ASXL1: variants seen among roughly 807,000 people sequenced by gnomAD.
The protein encoded by ASXL1 is polycomb group protein ASXL1.
Under a neutral mutation model 89.1 loss-of-function variants are expected in ASXL1, and 65 were observed. That is an observed-to-expected ratio of 0.73 (90% CI 0.60 to 0.90). The LOEUF (loss-of-function observed/expected upper bound fraction) is 0.90, where lower values mean the gene tolerates loss of function less well. Among genes scored for constraint, ASXL1 ranks in the 40% least tolerant of loss-of-function variants. The pLI, the probability that ASXL1 is intolerant of heterozygous loss-of-function variation, is 0.00. For synonymous variants in ASXL1, 739 were observed against 746.9 expected (o/e 0.99, Z 0.17); for missense variants, 1,786 against 1,942.9 (o/e 0.92, Z 1.52).
intron 4 of ASXL1, among the ~76,000 whole-genome samples, chr20:32,384,668 A>T (rs1431642869): frequency 6.6e-6 from 1 of 152,168 alleles, no homozygotes; most frequent in African/African-American, 2.4e-5. Flanking sequence ...GGCCCTGGTC[A>T]GAGTCTGGTT....
intron 2 of ASXL1, 21 bp from the exon 3 acceptor site, chr20:32,367,706 G>A: frequency 1.3e-6 from 1 of 780,854 alleles, no homozygotes; most frequent in Non-Finnish European, 2.4e-6. Context: ...CTGCACTGCT[G>A]TTGGACCACT....
chr20:32,406,884 C>T (rs1384537766), intron 4 of ASXL1, among the ~76,000 whole-genome samples: 1 of 152,210 alleles, frequency 6.6e-6, no homozygotes, highest in East Asian at 1.9e-4. Context: ...CACTCAGGCT[C>T]TGACTCTCTA....
At chr20:32,377,817 A>C (rs961644177) in intron 4 of ASXL1, among the ~76,000 whole-genome samples, 7 of 151,282 alleles carry the variant, frequency 4.6e-5, no homozygotes, top group Admixed American at 4.0e-4. Flanking sequence ...CATGCCCGGC[A>C]AATTTTTGTA....
chr20:32,386,791 T>C (rs1047756964), intron 4 of ASXL1, among the ~76,000 whole-genome samples: 36 of 146,774 alleles, frequency 2.5e-4, no homozygotes, highest in African/African-American at 8.3e-4. Flanking sequence ...CTCTCTCTCT[T>C]TTTTTTTTTT....
chr20:32,366,540 G>C, intron 2 of ASXL1, 74 bp downstream of exon 2: 2 of 1,610,242 alleles, frequency 1.2e-6, no homozygotes, highest in Non-Finnish European at 1.7e-6. Context: ...AGTGATATGA[G>C]TAAGTACACC....
chr20:32,382,135 A>T (rs1302890445), intron 4 of ASXL1, among the ~76,000 whole-genome samples: 1 of 150,528 alleles, frequency 6.6e-6, no homozygotes, highest in African/African-American at 2.4e-5. Flanking sequence ...TTTATTTTTT[A>T]TTTTTTATTT....
chr20:32,400,661 C>G (rs999081270), intron 4 of ASXL1, among the ~76,000 whole-genome samples: 10 of 152,190 alleles, frequency 6.6e-5, no homozygotes, highest in Non-Finnish European at 1.3e-4. Flanking sequence ...CTCTCTAGAT[C>G]TCCTCAGCCC....
rs952135039 is a variant in ASXL1 at position 32,359,310 on chromosome 20, G to T, written c.57+478G>T. 3 of 702,466 alleles carry T rather than the reference G, an allele frequency of 4.3e-6. No homozygotes were observed. Among genetic ancestry groups the T allele is most frequent in the Non-Finnish European group, 7.8e-6 (3 of 384,994 alleles). The allele number at this position is 702,466 out of a possible 1,614,324, so 43.5% of individuals were successfully genotyped here. A position where few individuals can be genotyped will look rare whatever the true frequency, so the allele number is the denominator to read the frequency against. On this transcript the variant is annotated intron_variant, in intron 1 of 12. Coordinates refer to ENST00000375687, the MANE Select transcript of ASXL1 (RefSeq NM_015338.6). ...CCACATTCAAGGACGCCAATGGCAT[G>T]TTGAGCTTTCCCAATCTAAACCAGG... is the stretch of plus-strand genomic sequence containing the variant.
At chr20:32,415,898 CAT>C (rs1181228396) in intron 4 of ASXL1, among the ~76,000 whole-genome samples, 1 of 151,792 alleles carries the variant, frequency 6.6e-6, no homozygotes, top group Non-Finnish European at 1.5e-5. Context: ...CCCCAAATAC[CAT>C]TAAACAAAAG....
intron 1 of ASXL1, chr20:32,359,470 C>T (rs762311339): frequency 1.9e-4 from 130 of 686,474 alleles, no homozygotes; most frequent in Middle Eastern, 1.7e-3. Flanking sequence ...ACCTGCTGAG[C>T]CTCAGGGTCT....
intron 4 of ASXL1, among the ~76,000 whole-genome samples, chr20:32,418,818 T>C: frequency 6.1e-5 from 1 of 16,352 alleles, no homozygotes; most frequent in Non-Finnish European, 1.4e-4. Flanking sequence ...TCTTTTTTTT[T>C]TTTTTTTTTT....
Position 32,424,595 on chromosome 20 carries a change from T to C in ASXL1, c.253-3533T>C, listed in dbSNP as rs534218632. Reference sequence around the variant, plus strand: ...GTGGTGGCCAACAGCTTAGTAAGAATTTCTCTTGCATTTTTCTATGCAAAC... The same window carrying C: ...GTGGTGGCCAACAGCTTAGTAAGAACTTCTCTTGCATTTTTCTATGCAAAC... On this transcript the variant is annotated intron_variant, in intron 4 of 12. Transcript: ENST00000375687. 3.3e-5 allele frequency among the ~76,000 whole-genome samples: 5 copies of C among 152,274 alleles called. No individual in the cohort carries two copies. In the East Asian group the frequency reaches 9.7e-4, roughly 29 times the overall value.
intron 4 of ASXL1, among the ~76,000 whole-genome samples, chr20:32,381,060 G>T (rs547187089): frequency 3.9e-5 from 6 of 152,224 alleles, no homozygotes; most frequent in African/African-American, 1.2e-4. Context: ...CCAATCTTGG[G>T]TATACTTTAG....
intron 4 of ASXL1, among the ~76,000 whole-genome samples, chr20:32,369,607 A>G (rs1259356352): frequency 6.6e-6 from 1 of 151,530 alleles, no homozygotes; most frequent in African/African-American, 2.4e-5. Flanking sequence ...ATCAGATATT[A>G]GAAATTATTT....
In ASXL1 at chr20:32,433,364, C is replaced by G. The variant is rs776891768; in HGVS notation, c.1166C>G (p.Pro389Arg). 5 of 1,614,144 alleles carry G rather than the reference C, an allele frequency of 3.1e-6. No individual in the cohort carries two copies. In the South Asian group the frequency reaches 5.5e-5, roughly 18 times the overall value. ...EAEIKSGLCV[P>R]GESVRIQRGP... ...GAAATCAAAAGTGGCTTGTGTGTCC[C>G]AGGAGAATCAGTGCGTATACAGCGT... is the stretch of plus-strand genomic sequence containing the variant. The change falls in exon 12 of 13, where the codon CCA (proline) becomes CGA (arginine). Residue 389 changes from proline (P) to arginine (R), a missense_variant. Pro to Arg is a moderately radical substitution (Grantham distance 103). This residue lies in a region of ASXL1 where 1,418 missense variants were observed against 1,427.8 expected (regional missense o/e 0.99). Transcript: ENST00000375687.
At chr20:32,382,783 C>A (rs1185373574) in intron 4 of ASXL1, among the ~76,000 whole-genome samples, 1 of 151,892 alleles carries the variant, frequency 6.6e-6, no homozygotes, top group Non-Finnish European at 1.5e-5. Flanking sequence ...AAGACCCTGT[C>A]TCAAAAAAAA....
intron 4 of ASXL1, among the ~76,000 whole-genome samples, chr20:32,369,718 CTTTTTT>C (rs386393629): frequency 2.6e-4 from 25 of 94,622 alleles, no homozygotes; most frequent in African/African-American, 9.5e-4. Context: ...GCAGATGTGC[CTTTTTT>C]TTTTTTTTTT....
chr20:32,431,712 G>A (rs1436527305), intron 10 of ASXL1, 33 bp downstream of exon 10: 5 of 1,602,434 alleles, frequency 3.1e-6, no homozygotes, highest in African/African-American at 1.3e-5. Flanking sequence ...GACGGCTTGC[G>A]ACGCACCTGT....
At chr20:32,368,717 TTG>T (rs1569241929) in intron 3 of ASXL1, among the ~76,000 whole-genome samples, 2 of 152,084 alleles carry the variant, frequency 1.3e-5, no homozygotes, top group South Asian at 4.1e-4. Flanking sequence ...CTTGAAAAAA[TTG>T]TGAGGTTTTT....
Sources: gnomAD v4.1 joint callset for allele counts (sites outside exome capture counted in the v4.1 genomes callset) on GRCh38, gnomAD v4.1.1 for gene constraint, gnomAD v4.1.1 regional missense constraint, MANE v1.5 for transcripts, NCBI Gene and HGNC (gene_info 2026-07-23, HGNC 2026-07-21) for gene names.